The following TMCC3 variants were observed in gnomAD, a reference collection of about 807,000 sequenced individuals.
The protein encoded by TMCC3 is transmembrane and coiled-coil domain family 3, also known as transmembrane and coiled-coil domain protein 3.
A neutral mutation model predicts 40.2 loss-of-function variants in TMCC3; 28 were observed. That is an observed-to-expected ratio of 0.70 (90% CI 0.52 to 0.95). The LOEUF (loss-of-function observed/expected upper bound fraction) is 0.95, where lower values mean the gene tolerates loss of function less well. Ranked by LOEUF, TMCC3 falls within the 40% of genes least tolerant of loss-of-function variation. The pLI is 0.00. For synonymous variants in TMCC3, 255 were observed against 248.5 expected (o/e 1.03, Z -0.25); for missense variants, 554 against 615.2 (o/e 0.90, Z 1.05).
At chr12:94,625,120 C>T (rs1198851295) in intron 1 of TMCC3, among the ~76,000 whole-genome samples, 1 of 122,242 alleles carries the variant, frequency 8.2e-6, no homozygotes, top group South Asian at 2.6e-4. Flanking sequence ...CCAGCCTGGG[C>T]AACAAGAGCG....
intron 1 of TMCC3, among the ~76,000 whole-genome samples, chr12:94,640,790 G>A (rs560711105): frequency 1.1e-3 from 168 of 152,296 alleles, no homozygotes; most frequent in Non-Finnish European, 2.0e-3. Context: ...TGACGTTCAA[G>A]TTTCACTCCA....
At chr12:94,643,117 G>C (rs1236033797) in intron 1 of TMCC3, among the ~76,000 whole-genome samples, 1 of 152,052 alleles carries the variant, frequency 6.6e-6, no homozygotes, top group Non-Finnish European at 1.5e-5. Context: ...ACTTGAACCT[G>C]AGCAGCGGAG....
intron 1 of TMCC3, among the ~76,000 whole-genome samples, chr12:94,624,875 T>C (rs1359713931): frequency 6.6e-6 from 1 of 152,042 alleles, no homozygotes; most frequent in East Asian, 1.9e-4. Context: ...GTGCGGTGGC[T>C]CATGCCTGTA....
In TMCC3 at chr12:94,570,319, T is replaced by C. The variant is rs891965032; in HGVS notation, c.*1116A>G. ...TTGAACTTTAGAGGCTATGGTTCGG[T>C]TGTCCTTCAAGGAAAAAACTGCAAC... On this transcript the variant is annotated 3_prime_UTR_variant, in exon 4 of 4. Transcript: ENST00000261226. 1.3e-5 allele frequency: 2 copies of C among 152,230 alleles called. No homozygotes were observed. The highest frequency in any genetic ancestry group is 4.8e-5 in the African/African-American group (2 of 41,458). The allele number at this position is 152,230 out of a possible 1,614,324, so 9.4% of individuals were successfully genotyped here.
chr12:94,615,994 G>A (rs2068845841), intron 1 of TMCC3: 1 of 985,312 alleles, frequency 1.0e-6, no homozygotes, highest in African/African-American at 1.7e-5. Context: ...CGAGGCATTT[G>A]AATCTGCAAG....
At chr12:94,617,265 C>T (rs1159228605) in intron 1 of TMCC3, among the ~76,000 whole-genome samples, 1 of 152,186 alleles carries the variant, frequency 6.6e-6, no homozygotes, top group Non-Finnish European at 1.5e-5. Context: ...GAGGAAACAG[C>T]ACTGGAGCCC....
At position 94,569,848 on chromosome 12, in the gene TMCC3, G is replaced by T. The variant is rs956153853; in HGVS notation, c.*1587C>A. On this transcript the variant is annotated 3_prime_UTR_variant, in exon 4 of 4. Transcript: ENST00000261226. ...GACCTGATGTCTCCTGGAAGAAAAC[G>T]TACACTCACATGCCTTCCTGCCTGC... 1 of 152,174 alleles carries T rather than the reference G, an allele frequency of 6.6e-6. No individual in the cohort carries two copies. The allele number at this position is 152,174 out of a possible 1,614,324, so 9.4% of individuals were successfully genotyped here. A position where few individuals can be genotyped will look rare whatever the true frequency, so the allele number is the denominator to read the frequency against.
chr12:94,604,242 T>A (rs1381017398), intron 1 of TMCC3, among the ~76,000 whole-genome samples: 1 of 152,196 alleles, frequency 6.6e-6, no homozygotes, highest in East Asian at 1.9e-4. Context: ...AGAAAGCCAA[T>A]GTTTCTCAAT....
At position 94,568,499 on chromosome 12, in the gene TMCC3, A is replaced by G. The variant is rs1291665715; in HGVS notation, c.*2936T>C. 6.6e-6 allele frequency: 1 copy of G among 152,170 alleles called. No homozygotes were observed. Among genetic ancestry groups the G allele is most frequent in the Non-Finnish European group, 1.5e-5 (1 of 68,020 alleles). 9.4% of individuals were successfully genotyped at this position (152,170 alleles called of 1,614,324 possible). ...GGGTTTGCCCAAGATGTTTACCATA[A>G]ATGAAAGGGGTGGGGAAAGGATTAT... On this transcript the variant is annotated 3_prime_UTR_variant, in exon 4 of 4. Coordinates refer to ENST00000261226, the MANE Select transcript of TMCC3 (RefSeq NM_020698.4).
intron 3 of TMCC3, among the ~76,000 whole-genome samples, chr12:94,574,936 G>C (rs1334357031): frequency 6.6e-6 from 1 of 152,132 alleles, no homozygotes; most frequent in Non-Finnish European, 1.5e-5. Flanking sequence ...TTAACCAAAA[G>C]AAAAATCCAA....
intron 1 of TMCC3, among the ~76,000 whole-genome samples, chr12:94,636,073 G>C (rs1009274731): frequency 6.6e-6 from 1 of 152,204 alleles, no homozygotes; most frequent in Non-Finnish European, 1.5e-5. Flanking sequence ...TTCTGTGTTC[G>C]ACAGATTTAA....
At chr12:94,600,721 C>A (rs144194224) in intron 1 of TMCC3, among the ~76,000 whole-genome samples, 13 of 152,336 alleles carry the variant, frequency 8.5e-5, no homozygotes, top group African/African-American at 3.1e-4. Flanking sequence ...TCCTACCATT[C>A]CTTCAAGATC....
At chr12:94,582,672 C>T in intron 1 of TMCC3, 134 bp from the exon 2 acceptor site, 2 of 740,712 alleles carry the variant, frequency 2.7e-6, no homozygotes. Context: ...GGATAAAATC[C>T]CCCTGCTGTC....
chr12:94,632,707 G>A (rs2068939933), intron 1 of TMCC3, among the ~76,000 whole-genome samples: 1 of 152,158 alleles, frequency 6.6e-6, no homozygotes, highest in Admixed American at 6.5e-5. Context: ...CAACCTACCT[G>A]TTTGCCATTA....
In TMCC3 at chr12:94,636,714, T is replaced by C. The variant is rs77844148; in HGVS notation, c.78+13639A>G. On this transcript the variant is annotated intron_variant, in intron 1 of 3. Transcript: ENST00000261226. The stretch of plus-strand genomic sequence containing the variant: ...AGACAAAATGCAACAAAGATGCTGT[T>C]CATTGGCCCTGAAGAAACAAACTGT... 8.8e-3 allele frequency among the ~76,000 whole-genome samples: 1,341 copies of C among 152,364 alleles called. 19 individuals are homozygous for C. Among genetic ancestry groups the C allele is most frequent in the African/African-American group, 0.031 (1,285 of 41,590 alleles).
chr12:94,588,161 C>G (rs1162715162), intron 1 of TMCC3, among the ~76,000 whole-genome samples: 1 of 152,236 alleles, frequency 6.6e-6, no homozygotes, highest in Non-Finnish European at 1.5e-5. Context: ...GCAACTCAGT[C>G]ACCACCAGTG....
At chr12:94,629,736 G>T (rs371831845) in intron 1 of TMCC3, among the ~76,000 whole-genome samples, 1 of 152,152 alleles carries the variant, frequency 6.6e-6, no homozygotes, top group Non-Finnish European at 1.5e-5. Context: ...CAAAAGTCTT[G>T]ACCACCAACC....
At chr12:94,625,533 G>A (rs185986368) in intron 1 of TMCC3, among the ~76,000 whole-genome samples, 1 of 149,702 alleles carries the variant, frequency 6.7e-6, no homozygotes, top group African/African-American at 2.5e-5. Context: ...GATGGAGGTT[G>A]CAGTGAGCAG....
chr12:94,573,349 T>A (rs78945869), intron 3 of TMCC3, among the ~76,000 whole-genome samples: 25,502 of 152,102 alleles, frequency 0.17, 2,285 homozygotes, highest in Non-Finnish European at 0.18. Context: ...CTTACACGAA[T>A]TTCCCTATAC....
Sources: gnomAD v4.1 joint callset for allele counts (sites outside exome capture counted in the v4.1 genomes callset) on GRCh38, gnomAD v4.1.1 for gene constraint, MANE v1.5 for transcripts, NCBI Gene and HGNC (gene_info 2026-07-23, HGNC 2026-07-21) for gene names.